DPYSL3: variants seen among roughly 807,000 people sequenced by gnomAD.
DPYSL3 encodes dihydropyrimidinase-related protein 3.
In DPYSL3, 16 loss-of-function variants were observed where a neutral mutation model predicts 66.1. That is an observed-to-expected ratio of 0.24 (90% CI 0.16 to 0.37). The LOEUF (loss-of-function observed/expected upper bound fraction) is 0.37, where lower values mean the gene tolerates loss of function less well. Among genes scored for constraint, DPYSL3 ranks in the 10% least tolerant of loss-of-function variants. The pLI is 1.00. For missense variants in DPYSL3, 738 were observed against 916.2 expected (o/e 0.81, Z 2.51); for synonymous variants, 338 against 345.1 (o/e 0.98, Z 0.23).
intron 1 of DPYSL3, among the ~76,000 whole-genome samples, chr5:147,455,047 G>A (rs1490527093): frequency 1.3e-5 from 2 of 152,186 alleles, no homozygotes; most frequent in African/African-American, 4.8e-5. Flanking sequence ...TAGAAATCCT[G>A]TATGTCACTA....
chr5:147,417,010 T>C (rs1055591633), intron 3 of DPYSL3, among the ~76,000 whole-genome samples: 5 of 152,190 alleles, frequency 3.3e-5, no homozygotes, highest in African/African-American at 1.2e-4. Context: ...ATTTTAAAAA[T>C]GTGTACAATA....
chr5:147,455,013 T>A (rs1371610136), intron 1 of DPYSL3, among the ~76,000 whole-genome samples: 1 of 152,226 alleles, frequency 6.6e-6, no homozygotes, highest in Admixed American at 6.5e-5. Context: ...GCTCCCCAAT[T>A]GTCAATCTTA....
At chr5:147,412,712 C>T (rs934197773) in intron 5 of DPYSL3, 24 bp from the exon 6 acceptor site, 2 of 1,598,496 alleles carry the variant, frequency 1.3e-6, no homozygotes, top group East Asian at 4.5e-5. Flanking sequence ...GAGTCTTTGT[C>T]ACTCTTGCAA....
At chr5:147,444,117 A>AGAGGGATAAGTTATTATCCCTCCG (rs1215491248) in intron 1 of DPYSL3, among the ~76,000 whole-genome samples, 5 of 152,232 alleles carry the variant, frequency 3.3e-5, no homozygotes, top group East Asian at 1.9e-4. Context: ...CAGAGGTGGG[A>AGAGGGATAAGTTATTATCCCTCCG]GAGGGATAAG....
chr5:147,456,492 G>T (rs1752854313), intron 1 of DPYSL3, among the ~76,000 whole-genome samples: 1 of 151,888 alleles, frequency 6.6e-6, no homozygotes, highest in African/African-American at 2.4e-5. Flanking sequence ...AGTTGCTCAG[G>T]CGAAAGGTTT....
chr5:147,462,236 A>C lies in DPYSL3; in HGVS notation c.382-37273T>G, dbSNP rs1462404817. On this transcript the variant is annotated intron_variant, in intron 1 of 13. Transcript: ENST00000343218. ...TTCATCACAAAAGAAGATCAAAAGC[A>C]GATTGCACACACTTGGAACAGAAAA... Among the ~76,000 whole-genome samples, 20 of 152,202 alleles carry C rather than the reference A, an allele frequency of 1.3e-4. 1 individual carries two copies. Among genetic ancestry groups the C allele is most frequent in the Admixed American group, 1.3e-3 (20 of 15,284 alleles).
chr5:147,445,888 C>T (rs920452090), intron 1 of DPYSL3, among the ~76,000 whole-genome samples: 20 of 152,174 alleles, frequency 1.3e-4, no homozygotes, highest in Admixed American at 1.3e-3. Flanking sequence ...TAACGCTCTA[C>T]TAGGCAGAGG....
chr5:147,395,476 T>A, intron 13 of DPYSL3, 83 bp downstream of exon 13: 1 of 1,514,316 alleles, frequency 6.6e-7, no homozygotes, highest in Non-Finnish European at 8.9e-7. Flanking sequence ...TCAGGTTGAG[T>A]TCTGAGGAAC....
intron 6 of DPYSL3, 60 bp from the exon 7 acceptor site, chr5:147,408,856 G>T: frequency 6.6e-7 from 1 of 1,519,252 alleles, no homozygotes; most frequent in Non-Finnish European, 9.1e-7. Flanking sequence ...GAAAAATTAC[G>T]CTGGTATGTT....
chr5:147,412,660 T>G lies in DPYSL3; in HGVS notation c.911A>C (p.Glu304Ala). 1 of 1,612,700 alleles carries G rather than the reference T, an allele frequency of 6.2e-7. No homozygotes were observed. The highest frequency in any genetic ancestry group is 1.1e-5 in the South Asian group (1 of 90,624). Residue 304 changes from glutamate to alanine, a missense_variant, in exon 6 of 14, where the codon GAG becomes GCG. Glu to Ala is a moderately radical substitution (Grantham distance 107). Transcript: ENST00000343218. ...ATGAACTTGAGCAATGGCCCCCAGC[T>G]CTCCCAGGCAGGTGAAGATCTCATA... ...ELYEIFTCLG[E>A]LGAIAQVHAE...
intron 6 of DPYSL3, 102 bp downstream of exon 6, chr5:147,412,506 A>G (rs1441190790): frequency 8.6e-7 from 1 of 1,158,792 alleles, no homozygotes; most frequent in Non-Finnish European, 1.3e-6. Flanking sequence ...GGTACTTATG[A>G]TGGTGCCTTG....
chr5:147,413,726 C>T, intron 4 of DPYSL3, 69 bp from the exon 5 acceptor site: 2 of 1,305,938 alleles, frequency 1.5e-6, no homozygotes, highest in East Asian at 2.4e-5. Flanking sequence ...CCATCCTTTG[C>T]TCCCACTTCC....
intron 9 of DPYSL3, 127 bp downstream of exon 9, chr5:147,401,413 C>T: frequency 8.9e-7 from 1 of 1,120,922 alleles, no homozygotes; most frequent in South Asian, 1.7e-5. Flanking sequence ...AAAAGAATTC[C>T]CAATACACTG....
At chr5:147,442,838 T>C (rs1184679338) in intron 1 of DPYSL3, among the ~76,000 whole-genome samples, 1 of 106,868 alleles carries the variant, frequency 9.4e-6, no homozygotes, top group Non-Finnish European at 1.9e-5. Context: ...AAATGGCAAA[T>C]ATAGTCAAAA....
At chr5:147,419,047 G>T (rs1303174034) in intron 2 of DPYSL3, among the ~76,000 whole-genome samples, 1 of 152,176 alleles carries the variant, frequency 6.6e-6, no homozygotes, top group Non-Finnish European at 1.5e-5. Context: ...GACTGAAGAA[G>T]ATAATAGTAA....
intron 7 of DPYSL3, among the ~76,000 whole-genome samples, chr5:147,408,298 T>G (rs1341936224): frequency 2.0e-5 from 3 of 152,196 alleles, no homozygotes; most frequent in Non-Finnish European, 2.9e-5. Flanking sequence ...TCATTTTATA[T>G]ATGAGAAACT....
At chr5:147,448,029 G>A (rs187826558) in intron 1 of DPYSL3, among the ~76,000 whole-genome samples, 19 of 152,084 alleles carry the variant, frequency 1.2e-4, no homozygotes, top group Admixed American at 8.5e-4. Flanking sequence ...AACACAAATG[G>A]CCCTATAAAA....
chr5:147,430,623 G>A (rs538143698), intron 1 of DPYSL3, among the ~76,000 whole-genome samples: 6 of 152,078 alleles, frequency 3.9e-5, no homozygotes, highest in Non-Finnish European at 7.4e-5. Context: ...TGTAATAAAT[G>A]CTATAAGGAA....
At chr5:147,459,354 A>G (rs971321491) in intron 1 of DPYSL3, among the ~76,000 whole-genome samples, 2 of 152,218 alleles carry the variant, frequency 1.3e-5, no homozygotes, top group Admixed American at 1.3e-4. Context: ...TGTATATACT[A>G]GGCCTATGTG....
Sources: allele counts gnomAD v4.1 joint callset (sites outside exome capture counted in the v4.1 genomes callset), GRCh38; gene constraint gnomAD v4.1.1; transcripts MANE v1.5; gene names NCBI Gene and HGNC (gene_info 2026-07-23, HGNC 2026-07-21).